The following SDK2 variants were observed in gnomAD, a reference collection of about 807,000 sequenced individuals.
The protein encoded by SDK2 is protein sidekick-2.
In SDK2, 105 loss-of-function variants were observed where a neutral mutation model predicts 253.9. That is an observed-to-expected ratio of 0.41 (90% CI 0.35 to 0.49). The LOEUF is 0.49. Ranked by LOEUF, SDK2 falls within the 20% of genes least tolerant of loss-of-function variation. The probability of loss-of-function intolerance (pLI) is 0.06; values close to 1 mark genes in which losing one functional copy is unlikely to be tolerated. For missense variants in SDK2, 2,608 were observed against 3,003.0 expected (o/e 0.87, Z 3.07); for synonymous variants, 1,249 against 1,234.9 (o/e 1.01, Z -0.24).
chr17:73,386,519 C>T lies in SDK2; in HGVS notation c.4424G>A (p.Arg1475Gln), dbSNP rs368464336. The T allele has an allele frequency of 7.1e-6, 11 of 1,559,610 alleles. No individual in the cohort carries two copies. Among genetic ancestry groups the T allele is most frequent in the South Asian group, 2.4e-5 (2 of 84,454 alleles). Residue 1475 changes from arginine (R) to glutamine (Q), a missense_variant, in exon 31 of 45, where the codon CGA becomes CAA. Arg to Gln is a conservative substitution (Grantham distance 43, BLOSUM62 1). Around this residue, in one of 2 missense-constraint regions of SDK2, gnomAD observed 1,103 missense variants for 1,143.9 expected, o/e 0.96. Transcript: ENST00000392650. ...GCCAATGTCATTGGTCGCCTTCACT[C>T]GGAACTTGTAGGACGTGAAGGGCTT... ...RLKPFTSYKF[R>Q]VKATNDIGDS...
intron 2 of SDK2, among the ~76,000 whole-genome samples, chr17:73,478,299 G>A (rs73349729): frequency 0.075 from 11,423 of 152,172 alleles, 521 homozygotes; most frequent in African/African-American, 0.098. Context: ...GAGCTTCCTC[G>A]GGCTTTTTGA....
At chr17:73,458,935 C>T (rs1567785099) in intron 3 of SDK2, among the ~76,000 whole-genome samples, 1 of 152,102 alleles carries the variant, frequency 6.6e-6, no homozygotes, top group African/African-American at 2.4e-5. Context: ...ACCTGGGAGG[C>T]GGAGGTTGCG....
At chr17:73,488,164 T>C (rs1412862310) in intron 2 of SDK2, among the ~76,000 whole-genome samples, 2 of 152,064 alleles carry the variant, frequency 1.3e-5, no homozygotes, top group Non-Finnish European at 2.9e-5. Flanking sequence ...TACAGGCGCC[T>C]GCCACCACGC....
chr17:73,520,141 C>G (rs553469107), intron 1 of SDK2: 1 of 152,586 alleles, frequency 6.6e-6, no homozygotes, highest in South Asian at 2.1e-4. Context: ...ACCACACACA[C>G]GCGGCCTCCT....
chr17:73,385,972 G>A, intron 31 of SDK2, 55 bp from the exon 32 acceptor site: 7 of 1,344,424 alleles, frequency 5.2e-6, no homozygotes, highest in Non-Finnish European at 7.2e-6. Context: ...AAGTTCCCCA[G>A]GAGCCCACTG....
rs1272249264 is a variant in SDK2, at chr17:73,387,829, G to A, written c.4394+7C>T. On this transcript the variant is annotated splice_region_variant and intron_variant, in intron 30 of 44. Transcript: ENST00000392650. ...AGTGGGGATGCTGGCATGGACCCGA[G>A]CCTTACCTGTCCACAATGAAGCTGG... 1.9e-6 allele frequency: 3 copies of A among 1,558,254 alleles called. No homozygotes were observed. Among genetic ancestry groups the A allele is most frequent in the Non-Finnish European group, 1.7e-6 (2 of 1,148,820 alleles).
intron 1 of SDK2, among the ~76,000 whole-genome samples, chr17:73,591,984 G>A (rs2045688755): frequency 6.6e-6 from 1 of 152,182 alleles, no homozygotes; most frequent in Non-Finnish European, 1.5e-5. Context: ...GGGACGTGGG[G>A]TACGTGCTAT....
intron 36 of SDK2, among the ~76,000 whole-genome samples, chr17:73,372,588 A>C (rs1352811973): frequency 6.6e-6 from 1 of 152,024 alleles, no homozygotes. Flanking sequence ...TCTAAGATCT[A>C]TATATAGCCG....
intron 1 of SDK2, among the ~76,000 whole-genome samples, chr17:73,631,930 T>C (rs1450107980): frequency 2.0e-5 from 3 of 152,196 alleles, no homozygotes; most frequent in African/African-American, 7.2e-5. Flanking sequence ...ACTGCTGGTG[T>C]TGATTGGCTT....
chr17:73,561,666 G>A (rs757220062), intron 1 of SDK2, among the ~76,000 whole-genome samples: 2 of 152,234 alleles, frequency 1.3e-5, no homozygotes, highest in African/African-American at 2.4e-5. Context: ...GGAACAAGTA[G>A]AGTGGCCTTA....
chr17:73,633,501 G>A (rs1316585473), intron 1 of SDK2, among the ~76,000 whole-genome samples: 1 of 152,110 alleles, frequency 6.6e-6, no homozygotes, highest in Non-Finnish European at 1.5e-5. Flanking sequence ...TAAAAGGCCT[G>A]GCCCAAAAGG....
At position 73,379,474 on chromosome 17, in the gene SDK2, G is replaced by A. The variant is rs141987716; in HGVS notation, c.4838C>T (p.Pro1613Leu). The change falls in exon 35 of 45, where the codon CCG becomes CTG. Residue 1613 changes from proline (P) to leucine (L), a missense_variant. By Grantham distance (98) the Pro-to-Leu change is moderately conservative (BLOSUM62 -3). Transcript: ENST00000392650. This position sits in a 1 kb window ranked among gnomAD's most constrained non-coding sequence, Gnocchi z 4.5. ...TGCCTCCCCAACAAAGACCTCCTGC[G>A]GGGGGCTGGAGGGCCCCTCACCCAC... ...NAVGEGPSSP[P>L]QEVFVGEAVP... The A allele has an allele frequency of 1.2e-5, 20 of 1,610,336 alleles. No homozygotes were observed. The highest frequency in any genetic ancestry group is 1.7e-4 in the Middle Eastern group (1 of 6,044).
At chr17:73,353,696 G>C (rs566993689) in intron 40 of SDK2, among the ~76,000 whole-genome samples, 1 of 112,640 alleles carries the variant, frequency 8.9e-6, no homozygotes, top group Admixed American at 1.2e-4. Context: ...ACTGTGCCTG[G>C]CCAATTTTTT....
intron 24 of SDK2, among the ~76,000 whole-genome samples, chr17:73,397,221 T>C (rs944651116): frequency 2.6e-5 from 4 of 152,134 alleles, no homozygotes; most frequent in African/African-American, 9.7e-5. Context: ...GTCTAAGAAT[T>C]CTTGTTTGCT....
chr17:73,582,381 A>T (rs2045548976), intron 1 of SDK2, among the ~76,000 whole-genome samples: 1 of 152,212 alleles, frequency 6.6e-6, no homozygotes, highest in African/African-American at 2.4e-5. Flanking sequence ...GGGGGTGCAC[A>T]CCACGCAGGC....
At chr17:73,513,346 C>T (rs1284109731) in intron 1 of SDK2, among the ~76,000 whole-genome samples, 2 of 152,220 alleles carry the variant, frequency 1.3e-5, no homozygotes, top group African/African-American at 4.8e-5. Context: ...GCCCCTGGAA[C>T]TCACACAAAG....
At chr17:73,403,383 A>AGTTCTT (rs2145534076) in intron 18 of SDK2, among the ~76,000 whole-genome samples, 1 of 152,250 alleles carries the variant, frequency 6.6e-6, no homozygotes, top group Non-Finnish European at 1.5e-5. Context: ...AAATCCCTCA[A>AGTTCTT]GTTCTTGCTC....
chr17:73,600,009 C>T (rs689487), intron 1 of SDK2, among the ~76,000 whole-genome samples: 50,062 of 152,210 alleles, frequency 0.33, 8,738 homozygotes, highest in East Asian at 0.47. Flanking sequence ...ATACTGAACC[C>T]GTAGCAGCCC....
At chr17:73,426,371 A>G (rs983293115) in intron 12 of SDK2, among the ~76,000 whole-genome samples, 5 of 151,834 alleles carry the variant, frequency 3.3e-5, no homozygotes, top group Non-Finnish European at 5.9e-5. Flanking sequence ...CTGACCAGTC[A>G]TCCTGTTTTT....
Sources: allele counts gnomAD v4.1 joint callset (sites outside exome capture counted in the v4.1 genomes callset), GRCh38; gene constraint gnomAD v4.1.1; regional missense constraint gnomAD v4.1.1; non-coding constraint Gnocchi (gnomAD v3.1); transcripts MANE v1.5; gene names NCBI Gene and HGNC (gene_info 2026-07-23, HGNC 2026-07-21).